Variants in SPOCK3 observed in about 807,000 individuals in gnomAD.
SPOCK3 encodes SPARC (osteonectin), cwcv and kazal like domains proteoglycan 3.
A neutral mutation model predicts 56.6 loss-of-function variants in SPOCK3; 30 were observed. The observed-to-expected ratio is 0.53, with a 90% confidence interval of 0.40 to 0.72. The LOEUF is 0.72. SPOCK3 is among the 30% of genes least tolerant of loss of function. The pLI is 0.00. For missense variants in SPOCK3, 527 were observed against 530.0 expected (o/e 0.99, Z 0.06); for synonymous variants, 196 against 183.3 (o/e 1.07, Z -0.56).
intron 2 of SPOCK3, among the ~76,000 whole-genome samples, chr4:167,146,856 C>A (rs1764006576): frequency 6.6e-6 from 1 of 152,008 alleles, no homozygotes; most frequent in African/African-American, 2.4e-5. Context: ...CAAGAGAAAG[C>A]AGGAAAGATC....
chr4:166,840,771 G>GT (rs70955697), intron 6 of SPOCK3, among the ~76,000 whole-genome samples: 1,454 of 68,076 alleles, frequency 0.021, 238 homozygotes, highest in African/African-American at 0.071. Flanking sequence ...AGAAGCAAAA[G>GT]TTTTTTTTTT....
At chr4:166,989,081 T>C (rs554256843) in intron 4 of SPOCK3, among the ~76,000 whole-genome samples, 11 of 152,194 alleles carry the variant, frequency 7.2e-5, no homozygotes, top group African/African-American at 2.6e-4. Context: ...TGATAAAGAA[T>C]GTACTCTACC....
chr4:166,770,300 A>G (rs139066080), intron 7 of SPOCK3, among the ~76,000 whole-genome samples: 152 of 152,232 alleles, frequency 1.0e-3, no homozygotes, highest in African/African-American at 3.1e-3. Context: ...TACAGACTGG[A>G]GCTGTTCCTA....
intron 2 of SPOCK3, among the ~76,000 whole-genome samples, chr4:167,138,369 A>G (rs1172176541): frequency 6.6e-6 from 1 of 151,844 alleles, no homozygotes; most frequent in African/African-American, 2.4e-5. Flanking sequence ...TTATTTCATA[A>G]TTGTTTGTAT....
chr4:166,919,380 T>C (rs1298969393), intron 4 of SPOCK3, among the ~76,000 whole-genome samples: 1 of 152,206 alleles, frequency 6.6e-6, no homozygotes, highest in African/African-American at 2.4e-5. Context: ...TTGAATAATA[T>C]ATGCTGTCAA....
intron 8 of SPOCK3, among the ~76,000 whole-genome samples, chr4:166,753,376 G>A (rs545765665): frequency 4.6e-5 from 7 of 152,018 alleles, no homozygotes; most frequent in Admixed American, 1.3e-4. Context: ...AAGCACATAT[G>A]TAATGTAGCC....
chr4:167,101,756 C>G (rs563978390), intron 2 of SPOCK3, among the ~76,000 whole-genome samples: 1 of 144,538 alleles, frequency 6.9e-6, no homozygotes, highest in Non-Finnish European at 1.5e-5. Flanking sequence ...TGCTCTGTCA[C>G]CAGGCTGCCA....
At chr4:167,179,411 A>G (rs1731257202) in intron 2 of SPOCK3, among the ~76,000 whole-genome samples, 1 of 152,210 alleles carries the variant, frequency 6.6e-6, no homozygotes. Flanking sequence ...AGGCACATGC[A>G]CATAAATCTA....
chr4:167,096,238 T>TA (rs1759141464), intron 2 of SPOCK3, among the ~76,000 whole-genome samples: 1 of 151,976 alleles, frequency 6.6e-6, no homozygotes, highest in Admixed American at 6.6e-5. Context: ...AACTATATTT[T>TA]AATAAACTTT....
chr4:166,909,502 T>C (rs1737020120), intron 5 of SPOCK3, among the ~76,000 whole-genome samples: 1 of 151,990 alleles, frequency 6.6e-6, no homozygotes, highest in Admixed American at 6.6e-5. Flanking sequence ...ATAGAACTTG[T>C]AGGAATATTA....
intron 3 of SPOCK3, among the ~76,000 whole-genome samples, chr4:167,017,964 G>T (rs924305492): frequency 6.6e-6 from 1 of 151,932 alleles, no homozygotes; most frequent in African/African-American, 2.4e-5. Flanking sequence ...GTAACAAGTC[G>T]TATTGTACAT....
At chr4:166,927,933 C>T (rs1739302067) in intron 4 of SPOCK3, among the ~76,000 whole-genome samples, 1 of 152,092 alleles carries the variant, frequency 6.6e-6, no homozygotes, top group Admixed American at 6.6e-5. Flanking sequence ...TTGATAGACA[C>T]CTCACCAAAG....
chr4:167,052,149 A>C (rs567324192), intron 3 of SPOCK3, among the ~76,000 whole-genome samples: 1 of 152,320 alleles, frequency 6.6e-6, no homozygotes, highest in African/African-American at 2.4e-5. Flanking sequence ...ACAATCAAAG[A>C]TTTTTGGTGC....
chr4:167,054,558 G>A (rs1009276658), intron 3 of SPOCK3, among the ~76,000 whole-genome samples: 1 of 152,154 alleles, frequency 6.6e-6, no homozygotes, highest in Non-Finnish European at 1.5e-5. Flanking sequence ...TAATATCACA[G>A]AAAAATCAGT....
At chr4:167,071,726 G>A (rs1756703577) in intron 2 of SPOCK3, among the ~76,000 whole-genome samples, 1 of 151,974 alleles carries the variant, frequency 6.6e-6, no homozygotes, top group Non-Finnish European at 1.5e-5. Flanking sequence ...ATAATCCTTT[G>A]GATATATACC....
At chr4:167,131,545 G>A (rs1184616191) in intron 2 of SPOCK3, among the ~76,000 whole-genome samples, 3 of 152,148 alleles carry the variant, frequency 2.0e-5, no homozygotes, top group Admixed American at 2.0e-4. Flanking sequence ...GGAGATTGCA[G>A]TGGGCTGAGA....
chr4:167,130,552 C>T (rs1274346197), intron 2 of SPOCK3, among the ~76,000 whole-genome samples: 3 of 151,998 alleles, frequency 2.0e-5, no homozygotes, highest in African/African-American at 7.2e-5. Flanking sequence ...ATAAAAAATA[C>T]TATTTAATTT....
intron 6 of SPOCK3, among the ~76,000 whole-genome samples, chr4:166,814,423 A>G (rs1579304624): frequency 1.3e-5 from 2 of 151,998 alleles, no homozygotes; most frequent in East Asian, 3.9e-4. Flanking sequence ...CTGGGAGAGG[A>G]AGACCCACCC....
intron 5 of SPOCK3, among the ~76,000 whole-genome samples, chr4:166,901,792 T>G (rs1037463374): frequency 2.6e-5 from 4 of 151,864 alleles, no homozygotes; most frequent in Admixed American, 6.6e-5. Flanking sequence ...GACTCTGGAG[T>G]GGGGGGTCGG....
Sources: gnomAD v4.1 joint callset for allele counts (sites outside exome capture counted in the v4.1 genomes callset) on GRCh38, gnomAD v4.1.1 for gene constraint, MANE v1.5 for transcripts, NCBI Gene and HGNC (gene_info 2026-07-23, HGNC 2026-07-21) for gene names.